Variants in ATP10B observed in about 807,000 individuals in gnomAD.
ATP10B encodes the protein ATPase phospholipid transporting 10B (putative), also known as phospholipid-transporting ATPase VB.
Under a neutral mutation model 141.2 loss-of-function variants are expected in ATP10B, and 122 were observed. The observed-to-expected ratio is 0.86, with a 90% CI of 0.75 to 1.00. The LOEUF is 1.00. ATP10B is among the 50% of genes least tolerant of loss of function. The probability of loss-of-function intolerance (pLI) is 0.00; values close to 1 mark genes in which losing one functional copy is unlikely to be tolerated. For synonymous variants in ATP10B, 685 were observed against 692.0 expected (o/e 0.99, Z 0.16); for missense variants, 1,876 against 1,825.3 (o/e 1.03, Z -0.51).
At chr5:160,799,938 G>A (rs1772259011) in intron 1 of ATP10B, among the ~76,000 whole-genome samples, 1 of 152,152 alleles carries the variant, frequency 6.6e-6, no homozygotes, top group Admixed American at 6.6e-5. Flanking sequence ...GTTGTAACAA[G>A]GAATTTTGAG....
At position 160,615,842 on chromosome 5, in the gene ATP10B, T is replaced by G; in HGVS notation, c.2649A>C (p.Leu883Phe). The change falls in exon 17 of 26, where the codon TTA becomes TTC. Residue 883 changes from leucine (L) to phenylalanine (F), a missense_variant. Coordinates refer to ENST00000327245, the MANE Select transcript of ATP10B (RefSeq NM_025153.3). ...TAQHLENQLT[L>F]LGATGIEDRL... ...TAATGACTTATTTTTAGCTACCAAG[T>G]AAGGTGAGTTGATTCTCCAGATGCT... The G allele has an allele frequency of 6.2e-7, 1 of 1,610,514 alleles. No homozygotes were observed. The highest frequency in any genetic ancestry group is 1.1e-5 in the South Asian group (1 of 90,846).
chr5:160,892,991 C>T, the ATP10B span, among the ~76,000 whole-genome samples: 2 of 152,120 alleles, frequency 1.3e-5, no homozygotes, highest in African/African-American at 4.8e-5. Context: ...GGGACTGTGC[C>T]ATGATGAACG....
chr5:160,856,602 T>C (rs935832648), upstream of ATP10B, among the ~76,000 whole-genome samples: 2 of 151,802 alleles, frequency 1.3e-5, no homozygotes, highest in Non-Finnish European at 3.0e-5. Context: ...GGGAAAATAT[T>C]AAGTCTGTCA....
At chr5:160,652,902 T>TA (rs1561701619) in intron 7 of ATP10B, among the ~76,000 whole-genome samples, 1 of 64,690 alleles carries the variant, frequency 1.5e-5, no homozygotes, top group Non-Finnish European at 2.5e-5. Flanking sequence ...TATAATATAT[T>TA]ATATATACAT....
chr5:160,660,402 T>C (rs997919704), intron 7 of ATP10B, among the ~76,000 whole-genome samples: 2 of 152,188 alleles, frequency 1.3e-5, no homozygotes, highest in African/African-American at 2.4e-5. Context: ...AATAAATGCA[T>C]TGATTTGACA....
Position 160,800,208 on chromosome 5 carries a change from C to T in ATP10B, c.-575-14405G>A, listed in dbSNP as rs578185459. Among the ~76,000 whole-genome samples, 8 of 152,268 alleles carry T rather than the reference C, an allele frequency of 5.3e-5. No individual in the cohort carries two copies. The South Asian group carries it at 8.3e-4, about 16-fold the overall frequency. On this transcript the variant is annotated intron_variant, in intron 1 of 25. Transcript: ENST00000327245. ...AAGTATGAACTTGGAGTCCACACCTCGGTTTAAATCCTGGTTCTGCAACTT... is the reference window on the plus strand; with the variant it reads ...AAGTATGAACTTGGAGTCCACACCTTGGTTTAAATCCTGGTTCTGCAACTT...
At chr5:160,568,092 C>T (rs559891531) in intron 25 of ATP10B, among the ~76,000 whole-genome samples, 7 of 152,182 alleles carry the variant, frequency 4.6e-5, no homozygotes, top group Admixed American at 2.6e-4. Context: ...TCTAGAGATA[C>T]CCAGATTTCT....
At chr5:160,796,261 C>G (rs924507124) in intron 1 of ATP10B, among the ~76,000 whole-genome samples, 2 of 152,220 alleles carry the variant, frequency 1.3e-5, no homozygotes, top group Admixed American at 6.5e-5. Context: ...TCTTCCTTGT[C>G]TCCATCACCC....
chr5:160,927,796 G>A, the ATP10B span, among the ~76,000 whole-genome samples: 2 of 152,178 alleles, frequency 1.3e-5, no homozygotes, highest in Non-Finnish European at 2.9e-5. Context: ...TAAATGGGAA[G>A]ACAAGAATTT....
intron 2 of ATP10B, among the ~76,000 whole-genome samples, chr5:160,745,343 C>T (rs763280354): frequency 5.3e-5 from 8 of 152,126 alleles, no homozygotes; most frequent in African/African-American, 1.2e-4. Flanking sequence ...CCAGATTCCT[C>T]TTATTTTAAG....
the ATP10B span, among the ~76,000 whole-genome samples, chr5:160,897,173 G>C: frequency 1.3e-5 from 2 of 152,142 alleles, no homozygotes; most frequent in East Asian, 3.8e-4. Flanking sequence ...ATTCAACATA[G>C]TATTAGAAGT....
chr5:160,703,325 T>A lies in ATP10B; in HGVS notation c.-205+13584A>T, dbSNP rs554105578. On this transcript the variant is annotated intron_variant, in intron 3 of 25. Coordinates refer to ENST00000327245, the MANE Select transcript of ATP10B (RefSeq NM_025153.3). ...TGCATAGAAAAGCTATGTTTTATAC[T>A]ATACTGTAGTCTATTGTGTGCAATA... Among the ~76,000 whole-genome samples, 8 of 152,350 alleles carry A rather than the reference T, an allele frequency of 5.3e-5. No homozygotes were observed. In the South Asian group the frequency reaches 1.7e-3, roughly 32 times the overall value.
intron 1 of ATP10B, among the ~76,000 whole-genome samples, chr5:160,806,281 G>C (rs1772765628): frequency 6.6e-6 from 1 of 152,208 alleles, no homozygotes; most frequent in Non-Finnish European, 1.5e-5. Flanking sequence ...CATGTAAAGA[G>C]AGTTGCCAGT....
At chr5:160,799,096 G>A (rs1772169802) in intron 1 of ATP10B, among the ~76,000 whole-genome samples, 1 of 150,710 alleles carries the variant, frequency 6.6e-6, no homozygotes, top group Admixed American at 6.6e-5. Context: ...TCCATCACAG[G>A]GTGATAGGCT....
intron 3 of ATP10B, among the ~76,000 whole-genome samples, chr5:160,704,874 T>C (rs1764889580): frequency 1.3e-5 from 2 of 148,314 alleles, no homozygotes; most frequent in South Asian, 4.4e-4. Context: ...CCCTTAAACC[T>C]TATGAAATAA....
chr5:160,586,736 C>A (rs1424021774), intron 24 of ATP10B, among the ~76,000 whole-genome samples: 2 of 152,158 alleles, frequency 1.3e-5, no homozygotes, highest in Non-Finnish European at 2.9e-5. Flanking sequence ...TGATGTTGAG[C>A]TTTTTTTCAT....
chr5:160,912,225 G>A, the ATP10B span, among the ~76,000 whole-genome samples: 1 of 151,928 alleles, frequency 6.6e-6, no homozygotes, highest in Non-Finnish European at 1.5e-5. Context: ...TGAAGAATAA[G>A]TTACCCAAGG....
chr5:160,745,190 C>T (rs536721499), intron 2 of ATP10B, among the ~76,000 whole-genome samples: 1 of 152,152 alleles, frequency 6.6e-6, no homozygotes, highest in Non-Finnish European at 1.5e-5. Flanking sequence ...AACACCAGCC[C>T]ATTCTATTTT....
intron 7 of ATP10B, among the ~76,000 whole-genome samples, chr5:160,658,100 G>T (rs1485096521): frequency 1.3e-5 from 2 of 152,230 alleles, no homozygotes; most frequent in Admixed American, 1.3e-4. Context: ...ATATTAAGTT[G>T]TTCATGAGAG....
Sources: gnomAD v4.1 joint callset for allele counts (sites outside exome capture counted in the v4.1 genomes callset) on GRCh38, gnomAD v4.1.1 for gene constraint, MANE v1.5 for transcripts, NCBI Gene and HGNC (gene_info 2026-07-23, HGNC 2026-07-21) for gene names.